RIMS1: variants seen among roughly 807,000 people sequenced by gnomAD.
RIMS1 encodes the protein regulating synaptic membrane exocytosis protein 1.
A neutral mutation model predicts 214.1 loss-of-function variants in RIMS1; 83 were observed. The ratio of observed to expected loss-of-function variants is 0.39; its 90% CI spans 0.32 to 0.47. The LOEUF is 0.47. Ranked by LOEUF, RIMS1 falls within the 20% of genes least tolerant of loss-of-function variation. The pLI is 0.99. For synonymous variants in RIMS1, 793 were observed against 786.8 expected (o/e 1.01, Z -0.13); for missense variants, 2,050 against 2,161.8 (o/e 0.95, Z 1.03).
chr6:72,015,151 A>T (rs1041392567), intron 2 of RIMS1, among the ~76,000 whole-genome samples: 1 of 152,224 alleles, frequency 6.6e-6, no homozygotes, highest in African/African-American at 2.4e-5. Context: ...CACATTATGC[A>T]TATAGCCTGA....
chr6:71,940,539 A>G (rs1429845426), intron 1 of RIMS1, among the ~76,000 whole-genome samples: 1 of 152,208 alleles, frequency 6.6e-6, no homozygotes, highest in African/African-American at 2.4e-5. Flanking sequence ...AGAAAAATGT[A>G]CTGTGCAGAG....
At chr6:71,968,881 G>T in intron 1 of RIMS1, 102 bp from the exon 2 acceptor site, 1 of 1,203,584 alleles carries the variant, frequency 8.3e-7, no homozygotes, top group South Asian at 1.3e-5. Flanking sequence ...GGCTTTCAAA[G>T]ACTTTCCCTT....
chr6:72,345,188 T>C (rs962346485), intron 29 of RIMS1, among the ~76,000 whole-genome samples: 1 of 151,806 alleles, frequency 6.6e-6, no homozygotes, highest in African/African-American at 2.4e-5. Context: ...CAGAGTGTTT[T>C]TTCATAGAGA....
intron 29 of RIMS1, among the ~76,000 whole-genome samples, chr6:72,379,197 T>C (rs2154416291): frequency 6.6e-6 from 1 of 152,370 alleles, no homozygotes; most frequent in East Asian, 1.9e-4. Flanking sequence ...ACACAGATAG[T>C]GTTTAATCAA....
chr6:71,924,015 A>G (rs1427596752), intron 1 of RIMS1, among the ~76,000 whole-genome samples: 1 of 152,196 alleles, frequency 6.6e-6, no homozygotes, highest in Non-Finnish European at 1.5e-5. Context: ...TTAGTAAACT[A>G]TCTTTCCTTG....
rs749192970 is a variant in RIMS1 at position 72,099,956 on chromosome 6, C to T, written c.460-19C>T. ...TTGTCTTCTTTCTCTACTCTGCTTC[C>T]TTGGATGCTTTCCCAAAGGAGGACA... On this transcript the variant is annotated intron_variant, in intron 3 of 33. Coordinates refer to ENST00000521978, the MANE Select transcript of RIMS1 (RefSeq NM_014989.7). 44 of 1,599,868 alleles carry T rather than the reference C, an allele frequency of 2.8e-5. No homozygotes were observed. Among genetic ancestry groups the T allele is most frequent in the Non-Finnish European group, 2.7e-5 (32 of 1,168,540 alleles).
At chr6:71,949,873 G>C (rs959616094) in intron 1 of RIMS1, among the ~76,000 whole-genome samples, 38 of 152,198 alleles carry the variant, frequency 2.5e-4, no homozygotes, top group African/African-American at 7.9e-4. Context: ...ATTTACTAGG[G>C]AGAAATGAAA....
At chr6:72,006,573 A>G (rs972107281) in intron 2 of RIMS1, among the ~76,000 whole-genome samples, 22 of 152,298 alleles carry the variant, frequency 1.4e-4, no homozygotes, top group Admixed American at 4.6e-4. Context: ...TCCCTTTCCT[A>G]GCCAAGGAAA....
At chr6:71,949,290 A>G (rs888372244) in intron 1 of RIMS1, among the ~76,000 whole-genome samples, 3 of 152,316 alleles carry the variant, frequency 2.0e-5, no homozygotes, top group Non-Finnish European at 1.5e-5. Context: ...TGGGCATAGC[A>G]AGTTAACAAG....
At chr6:71,953,868 C>T (rs761177) in intron 1 of RIMS1, among the ~76,000 whole-genome samples, 11,831 of 152,212 alleles carry the variant, frequency 0.078, 563 homozygotes, top group Middle Eastern at 0.11. Context: ...AGCTCTGAGA[C>T]TATTTTCATG....
At chr6:72,387,581 G>T (rs1462820005) in intron 29 of RIMS1, among the ~76,000 whole-genome samples, 2 of 152,184 alleles carry the variant, frequency 1.3e-5, no homozygotes, top group African/African-American at 2.4e-5. Flanking sequence ...CATTTACAAT[G>T]GCCATAGATG....
At chr6:72,125,796 G>C (rs538199926) in intron 4 of RIMS1, among the ~76,000 whole-genome samples, 2 of 152,322 alleles carry the variant, frequency 1.3e-5, no homozygotes, top group Admixed American at 6.5e-5. Context: ...CACCAAGCCA[G>C]GTGTGGGATA....
chr6:72,240,540 G>A (rs1180988379), intron 9 of RIMS1, among the ~76,000 whole-genome samples: 1 of 150,438 alleles, frequency 6.6e-6, no homozygotes, highest in Admixed American at 6.6e-5. Flanking sequence ...TATGTGTACA[G>A]GATCATGATG....
chr6:72,248,956 G>A (rs2071652416), intron 12 of RIMS1, among the ~76,000 whole-genome samples: 1 of 152,028 alleles, frequency 6.6e-6, no homozygotes. Flanking sequence ...CAGTGTATGT[G>A]TAAATCTCTC....
intron 29 of RIMS1, among the ~76,000 whole-genome samples, chr6:72,369,171 T>C (rs772161821): frequency 4.6e-5 from 7 of 151,314 alleles, no homozygotes; most frequent in Non-Finnish European, 1.0e-4. Context: ...AAAATTAAGC[T>C]GTTATGGTTG....
At chr6:72,000,252 CT>C (rs1014798932) in intron 2 of RIMS1, among the ~76,000 whole-genome samples, 2 of 152,046 alleles carry the variant, frequency 1.3e-5, no homozygotes, top group African/African-American at 4.8e-5. Context: ...GCAAAAAGTT[CT>C]TGGGATATAG....
chr6:72,400,883 A>G lies in RIMS1; in HGVS notation c.*169A>G, dbSNP rs1035472003. On this transcript the variant is annotated 3_prime_UTR_variant, in exon 34 of 34. Transcript: ENST00000521978. The stretch of plus-strand genomic sequence containing the variant: ...ATTGTTATTTAAAACATGGCTTCAT[A>G]TGACAGAACAAGGCAATCTATCAAA... 1.2e-5 allele frequency: 7 copies of G among 590,138 alleles called. No homozygotes were observed. Among genetic ancestry groups the G allele is most frequent in the Non-Finnish European group, 2.1e-5 (7 of 335,274 alleles). The allele number at this position is 590,138 out of a possible 1,614,324, so 36.6% of individuals were successfully genotyped here. A position where few individuals can be genotyped will look rare whatever the true frequency, so the allele number is the denominator to read the frequency against.
chr6:72,387,696 G>T (rs1291603111), intron 29 of RIMS1, among the ~76,000 whole-genome samples: 2 of 152,226 alleles, frequency 1.3e-5, no homozygotes, highest in Admixed American at 1.3e-4. Context: ...CCATAGGTAG[G>T]TAAGTGGGAA....
intron 4 of RIMS1, among the ~76,000 whole-genome samples, chr6:72,164,234 T>C (rs554765833): frequency 2.7e-4 from 41 of 152,340 alleles, no homozygotes; most frequent in African/African-American, 9.4e-4. Flanking sequence ...GCTAAGACTG[T>C]TGGCAAAGCG....
Sources: allele counts gnomAD v4.1 joint callset (sites outside exome capture counted in the v4.1 genomes callset), GRCh38; gene constraint gnomAD v4.1.1; transcripts MANE v1.5; gene names NCBI Gene and HGNC (gene_info 2026-07-23, HGNC 2026-07-21).